Variants in MGAM2 observed in about 807,000 individuals in gnomAD.
MGAM2 encodes the protein maltase-glucoamylase 2 (putative).
Under a neutral mutation model 96.1 loss-of-function variants are expected in MGAM2, and 98 were observed. That is an observed-to-expected ratio of 1.02 (90% CI 0.87 to 1.21). The LOEUF is 1.21. MGAM2 is among the 50% of genes most tolerant of loss of function. MGAM2 has a pLI of 0.00. For missense variants in MGAM2, 2,055 were observed against 1,182.4 expected, an observed-to-expected ratio of 1.74 and a Z score of -10.82; for synonymous variants, 749 against 414.8, an observed-to-expected ratio of 1.81 and a Z score of -9.79.
intron 46 of MGAM2, among the ~76,000 whole-genome samples, chr7:142,213,208 A>T (rs917618402): frequency 6.6e-6 from 1 of 152,208 alleles, no homozygotes; most frequent in Admixed American, 6.5e-5. Context: ...AAATGCCCAC[A>T]GGAGAAAACA....
intron 15 of MGAM2, among the ~76,000 whole-genome samples, chr7:142,151,029 T>C (rs1795565612): frequency 6.6e-6 from 1 of 152,232 alleles, no homozygotes; most frequent in Admixed American, 6.5e-5. Context: ...TTATTTCCCA[T>C]TTTCTGTGCC....
At chr7:142,179,877 A>G (rs9640208) in intron 32 of MGAM2, among the ~76,000 whole-genome samples, 27,229 of 151,960 alleles carry the variant, frequency 0.18, 2,734 homozygotes, top group East Asian at 0.31. Flanking sequence ...GGCTTTGTAT[A>G]ATCAGTTAGG....
At chr7:142,176,559 T>A (rs939517997) in intron 32 of MGAM2, among the ~76,000 whole-genome samples, 2 of 152,160 alleles carry the variant, frequency 1.3e-5, no homozygotes, top group Admixed American at 6.6e-5. Flanking sequence ...CCAATAAACA[T>A]CTGAAAAGAT....
chr7:142,209,202 C>T (rs184605762), intron 46 of MGAM2, among the ~76,000 whole-genome samples: 10 of 152,026 alleles, frequency 6.6e-5, no homozygotes, highest in East Asian at 1.9e-4. Flanking sequence ...GGTCTAGGCA[C>T]GGCTTCTTCA....
At chr7:142,152,341 C>G (rs554068676) in intron 15 of MGAM2, among the ~76,000 whole-genome samples, 2 of 152,270 alleles carry the variant, frequency 1.3e-5, no homozygotes, top group South Asian at 4.1e-4. Context: ...AAACCTGCAG[C>G]CAGTGGTAAT....
chr7:142,208,647 C>T (rs2129104650), intron 46 of MGAM2, 25 bp downstream of exon 46: 1 of 701,046 alleles, frequency 1.4e-6, no homozygotes, highest in Non-Finnish European at 2.6e-6. Context: ...CTACATTTTA[C>T]AAATCTTTTC....
Position 142,147,134 on chromosome 7 carries a change from T to C in MGAM2, c.1517-322T>C, listed in dbSNP as rs957402193. ...TCAATTTCTCTTGATTAAATTTATGTAGATAAACACTATATGCTTTATACT... is the reference window on the plus strand; with the variant it reads ...TCAATTTCTCTTGATTAAATTTATGCAGATAAACACTATATGCTTTATACT... On this transcript the variant is annotated intron_variant, in intron 14 of 47. Coordinates refer to ENST00000477922, the MANE Select transcript of MGAM2 (RefSeq NM_001293626.2). 5.3e-5 allele frequency among the ~76,000 whole-genome samples: 8 copies of C among 152,330 alleles called. No homozygotes were observed. In the East Asian group the frequency reaches 7.7e-4, roughly 15 times the overall value.
rs201936684 is a variant in MGAM2, at chr7:142,150,531, A to G, written c.1634+2958A>G. ...CAGTAACCTACCCTCTACCCTTTCT[A>G]CTTGAAGCATAGTCCAAGGAACAGC... On this transcript the variant is annotated intron_variant, in intron 15 of 47. Transcript: ENST00000477922. 1.4e-4 allele frequency among the ~76,000 whole-genome samples: 22 copies of G among 152,072 alleles called. No homozygotes were observed. In the East Asian group the frequency reaches 4.3e-3, roughly 30 times the overall value.
chr7:142,186,638 G>A (rs1412638889), intron 35 of MGAM2, among the ~76,000 whole-genome samples: 1 of 152,220 alleles, frequency 6.6e-6, no homozygotes, highest in East Asian at 1.9e-4. Flanking sequence ...TGGGATATAT[G>A]TCCAAGGGCA....
rs1051649725 is a variant in MGAM2 at position 142,127,248 on chromosome 7, C to G, written c.187-3700C>G. On this transcript the variant is annotated intron_variant, in intron 3 of 47. Coordinates refer to ENST00000477922, the MANE Select transcript of MGAM2 (RefSeq NM_001293626.2). ...TTAATGATCCATGACATTTTATTTG[C>G]TTTTCTTTCCCTAATTTGTCTTCTC... Among the ~76,000 whole-genome samples, 14 of 152,166 alleles carry G rather than the reference C, an allele frequency of 9.2e-5. No individual in the cohort carries two copies. The South Asian group carries it at 2.1e-3, about 23-fold the overall frequency.
At chr7:142,132,254 C>T (rs892475968) in intron 6 of MGAM2, among the ~76,000 whole-genome samples, 169 bp downstream of exon 6, 3 of 150,268 alleles carry the variant, frequency 2.0e-5, no homozygotes, top group Non-Finnish European at 3.0e-5. Flanking sequence ...CTATCATGCT[C>T]GTAAAACAGA....
intron 33 of MGAM2, among the ~76,000 whole-genome samples, chr7:142,184,654 G>T (rs867847780): frequency 1.3e-5 from 2 of 152,114 alleles, no homozygotes; most frequent in African/African-American, 4.8e-5. Flanking sequence ...CTTGGAGTCC[G>T]CTATAAGTCA....
Position 142,220,507 on chromosome 7 carries a change from A to C in MGAM2, c.5996A>C (p.Asp1999Ala). 1 of 702,280 alleles carries C rather than the reference A, an allele frequency of 1.4e-6. No individual in the cohort carries two copies. The highest frequency in any genetic ancestry group is 2.6e-6 in the Non-Finnish European group (1 of 384,840). 43.5% of individuals were successfully genotyped at this position (702,280 alleles called of 1,614,324 possible). A position where few individuals can be genotyped will look rare whatever the true frequency, so the allele number is the denominator to read the frequency against. ...ISVTTSTTVP[D>A]TTAPFPTSTT... ...GTTACAACTAGTACTACTGTTCCTG[A>C]TACAACTGCTCCTTTCCCTACAAGT... The change falls in exon 48 of 48, where the codon GAT becomes GCT. Residue 1999 changes from aspartate (D) to alanine (A), a missense_variant. Transcript: ENST00000477922.
At chr7:142,130,030 A>T (rs550285973) in intron 3 of MGAM2, among the ~76,000 whole-genome samples, 2 of 152,030 alleles carry the variant, frequency 1.3e-5, no homozygotes, top group Admixed American at 1.3e-4. Context: ...CAGTGGTCTC[A>T]GTTGCCATTT....
At chr7:142,123,171 CT>C (rs202230778) in intron 3 of MGAM2, among the ~76,000 whole-genome samples, 2,160 of 144,932 alleles carry the variant, frequency 0.015, 40 homozygotes, top group African/African-American at 0.048. Context: ...TAGTTATATT[CT>C]TTTTTTTTTT....
chr7:142,215,873 T>A (rs1446903020), intron 46 of MGAM2, among the ~76,000 whole-genome samples: 1 of 152,136 alleles, frequency 6.6e-6, no homozygotes, highest in African/African-American at 2.4e-5. Flanking sequence ...GTACCCTTTT[T>A]CTTTTCACTT....
intron 25 of MGAM2, 127 bp downstream of exon 25, chr7:142,166,380 A>T: frequency 1.8e-6 from 1 of 546,904 alleles, no homozygotes; most frequent in Non-Finnish European, 3.2e-6. Flanking sequence ...CCAACTCTAC[A>T]TGATAGGTCA....
intron 45 of MGAM2, among the ~76,000 whole-genome samples, chr7:142,201,310 T>C (rs1797224067): frequency 6.6e-6 from 1 of 151,842 alleles, no homozygotes; most frequent in Non-Finnish European, 1.5e-5. Flanking sequence ...CCTCAAGTGA[T>C]TCACCCACCT....
At position 142,134,171 on chromosome 7, in the gene MGAM2, T is replaced by G. The variant is rs1320190295; in HGVS notation, c.747+19T>G. 2 of 724,112 alleles carry G rather than the reference T, an allele frequency of 2.8e-6. No homozygotes were observed. Among genetic ancestry groups the G allele is most frequent in the Admixed American group, 1.9e-5 (1 of 52,446 alleles). 44.9% of individuals were successfully genotyped at this position (724,112 alleles called of 1,614,324 possible). ...CACCGAGGTGAGGTGGCTTTCCTCCTGAGTATCGCCCACAGTAAGGGATAC... is the reference window on the plus strand; with the variant it reads ...CACCGAGGTGAGGTGGCTTTCCTCCGGAGTATCGCCCACAGTAAGGGATAC... On this transcript the variant is annotated intron_variant, in intron 7 of 47. Transcript: ENST00000477922.
Sources: allele counts gnomAD v4.1 joint callset (sites outside exome capture counted in the v4.1 genomes callset), GRCh38; gene constraint gnomAD v4.1.1; transcripts MANE v1.5; gene names NCBI Gene and HGNC (gene_info 2026-07-23, HGNC 2026-07-21).